Variants in LRP1B observed in about 807,000 individuals in gnomAD.
LRP1B encodes low-density lipoprotein receptor-related protein 1B.
A neutral mutation model predicts 556.6 loss-of-function variants in LRP1B; 217 were observed. That is an observed-to-expected ratio of 0.39 (90% CI 0.35 to 0.44). LRP1B has a LOEUF of 0.44. Among genes scored for constraint, LRP1B ranks in the 20% least tolerant of loss-of-function variants. The probability of loss-of-function intolerance (pLI) is 1.00; values close to 1 mark genes in which losing one functional copy is unlikely to be tolerated. For synonymous variants in LRP1B, 2,047 were observed against 1,865.8 expected (o/e 1.10, Z -2.50); for missense variants, 5,053 against 5,620.8 (o/e 0.90, Z 3.23).
intron 7 of LRP1B, among the ~76,000 whole-genome samples, chr2:141,187,889 C>T (rs1681327412): frequency 6.6e-6 from 1 of 151,422 alleles, no homozygotes; most frequent in Non-Finnish European, 1.5e-5. Context: ...TCACTAACAC[C>T]ATAATAATAT....
chr2:140,832,833 G>T (rs1342425857), intron 31 of LRP1B, among the ~76,000 whole-genome samples: 1 of 151,666 alleles, frequency 6.6e-6, no homozygotes, highest in Non-Finnish European at 1.5e-5. Context: ...TAGCACAGTA[G>T]AATGACTACA....
chr2:141,837,719 A>C (rs1006478680), intron 1 of LRP1B, among the ~76,000 whole-genome samples: 1 of 152,148 alleles, frequency 6.6e-6, no homozygotes, highest in African/African-American at 2.4e-5. Flanking sequence ...AATCTAATGA[A>C]TGCTGCTTGA....
chr2:142,050,758 C>G (rs530048759), intron 1 of LRP1B, among the ~76,000 whole-genome samples: 1 of 152,218 alleles, frequency 6.6e-6, no homozygotes, highest in Admixed American at 6.5e-5. Flanking sequence ...GATACTACCA[C>G]AAAGATTCTT....
chr2:141,183,741 C>T (rs1467434302), intron 7 of LRP1B, among the ~76,000 whole-genome samples: 2 of 152,000 alleles, frequency 1.3e-5, no homozygotes, highest in Admixed American at 6.6e-5. Context: ...AGGAGATCTT[C>T]CCCCTCCCTC....
chr2:142,092,353 A>G (rs1706204715), intron 1 of LRP1B, among the ~76,000 whole-genome samples: 1 of 151,948 alleles, frequency 6.6e-6, no homozygotes. Flanking sequence ...TTTTTGGCAT[A>G]TTAGTATTTT....
At chr2:141,261,246 T>A (rs1684672363) in intron 3 of LRP1B, among the ~76,000 whole-genome samples, 1 of 152,222 alleles carries the variant, frequency 6.6e-6, no homozygotes, top group South Asian at 2.1e-4. Flanking sequence ...AATTTCCTTG[T>A]CTTAGTGCTA....
intron 35 of LRP1B, among the ~76,000 whole-genome samples, chr2:140,724,832 C>T (rs1687535080): frequency 6.6e-6 from 1 of 152,092 alleles, no homozygotes; most frequent in South Asian, 2.1e-4. Context: ...CCTCTCCCTG[C>T]CACCCCACAA....
intron 77 of LRP1B, among the ~76,000 whole-genome samples, chr2:140,340,551 G>T (rs13034290): frequency 0.074 from 11,226 of 151,332 alleles, 464 homozygotes; most frequent in Middle Eastern, 0.13. Flanking sequence ...AAGGAAGTAG[G>T]ATACCTCTGA....
intron 31 of LRP1B, among the ~76,000 whole-genome samples, chr2:140,824,373 A>T (rs1691433676): frequency 6.6e-6 from 1 of 152,008 alleles, no homozygotes; most frequent in African/African-American, 2.4e-5. Context: ...TACTGTAAAA[A>T]TTTTTTGATT....
chr2:140,627,766 C>A (rs1438126265), intron 41 of LRP1B, among the ~76,000 whole-genome samples: 1 of 152,154 alleles, frequency 6.6e-6, no homozygotes, highest in East Asian at 1.9e-4. Flanking sequence ...CTGTCAACCA[C>A]AGCTTTAGAG....
At chr2:141,392,738 C>T (rs557150540) in intron 3 of LRP1B, among the ~76,000 whole-genome samples, 22 of 152,230 alleles carry the variant, frequency 1.4e-4, no homozygotes, top group African/African-American at 5.3e-4. Context: ...ATAACAAATT[C>T]TCCCTCTCAG....
At chr2:141,565,873 A>G (rs1170100447) in intron 2 of LRP1B, among the ~76,000 whole-genome samples, 2 of 152,294 alleles carry the variant, frequency 1.3e-5, no homozygotes, top group East Asian at 1.9e-4. Context: ...AAGGTCAATC[A>G]TAATTGAAAA....
intron 2 of LRP1B, among the ~76,000 whole-genome samples, chr2:141,619,914 G>A (rs1688442426): frequency 6.6e-6 from 1 of 152,152 alleles, no homozygotes; most frequent in Admixed American, 6.5e-5. Flanking sequence ...ATGATTGTCT[G>A]ACATAATTAT....
chr2:141,431,003 G>A (rs755790191), intron 3 of LRP1B, among the ~76,000 whole-genome samples: 28 of 151,936 alleles, frequency 1.8e-4, no homozygotes, highest in Non-Finnish European at 3.7e-4. Context: ...CAGGCATGGT[G>A]CCGTGTGCCT....
chr2:141,723,428 C>T (rs1692914785), intron 2 of LRP1B, among the ~76,000 whole-genome samples: 1 of 151,054 alleles, frequency 6.6e-6, no homozygotes, highest in Non-Finnish European at 1.5e-5. Flanking sequence ...TGTACAGATG[C>T]AAATTTACTT....
chr2:140,889,306 T>A (rs550276967), intron 23 of LRP1B, among the ~76,000 whole-genome samples: 33 of 152,326 alleles, frequency 2.2e-4, no homozygotes, highest in African/African-American at 7.7e-4. Flanking sequence ...TCTTAAACTT[T>A]TCTTTTTGAG....
intron 3 of LRP1B, among the ~76,000 whole-genome samples, chr2:141,408,246 C>T (rs754095903): frequency 1.3e-5 from 2 of 149,908 alleles, no homozygotes; most frequent in Non-Finnish European, 3.0e-5. Flanking sequence ...AGGTTCAGGC[C>T]ATTCTCCTGC....
At chr2:142,040,922 C>T (rs563103089) in intron 1 of LRP1B, among the ~76,000 whole-genome samples, 35 of 151,220 alleles carry the variant, frequency 2.3e-4, no homozygotes, top group African/African-American at 8.0e-4. Context: ...AGACTTAAGT[C>T]CAAAGATTTT....
rs542034087 is a variant in LRP1B at position 140,464,540 on chromosome 2, T to C, written c.9626-6889A>G. ...GACTGTCTAAACTGTAGTACACTTG[T>C]TTTGAAAACAAGACTGACTAAAAAT... On this transcript the variant is annotated intron_variant, in intron 60 of 90. Coordinates refer to ENST00000389484, the MANE Select transcript of LRP1B (RefSeq NM_018557.3). Among the ~76,000 whole-genome samples, 5 of 152,318 alleles carry C rather than the reference T, an allele frequency of 3.3e-5. No individual in the cohort carries two copies. In the East Asian group the frequency reaches 9.7e-4, roughly 29 times the overall value.
Sources: gnomAD v4.1 joint callset for allele counts (sites outside exome capture counted in the v4.1 genomes callset) on GRCh38, gnomAD v4.1.1 for gene constraint, MANE v1.5 for transcripts, NCBI Gene and HGNC (gene_info 2026-07-23, HGNC 2026-07-21) for gene names.